Variants in FARS2 observed in about 807,000 individuals in gnomAD.
FARS2 encodes the protein phenylalanyl-tRNA synthetase 2, mitochondrial, also known as phenylalanine--tRNA ligase, mitochondrial.
A neutral mutation model predicts 46.4 loss-of-function variants in FARS2; 40 were observed. That is an observed-to-expected ratio of 0.86 (90% confidence interval 0.67 to 1.12). FARS2 has a LOEUF of 1.12. Ranked by LOEUF, FARS2 falls within the 50% of genes most tolerant of loss-of-function variation. The pLI, the probability that FARS2 is intolerant of heterozygous loss-of-function variation, is 0.00. For synonymous variants in FARS2, 234 were observed against 214.9 expected (o/e 1.09, Z -0.78); for missense variants, 513 against 567.9 (o/e 0.90, Z 0.98).
intron 5 of FARS2, among the ~76,000 whole-genome samples, chr6:5,601,370 A>C (rs1469316744): frequency 6.6e-6 from 1 of 151,722 alleles, no homozygotes; most frequent in African/African-American, 2.4e-5. Context: ...AAAAATACAA[A>C]AAAATTAGCC....
intron 1 of FARS2, among the ~76,000 whole-genome samples, chr6:5,315,109 C>T (rs1321103984): frequency 6.6e-6 from 1 of 152,054 alleles, no homozygotes; most frequent in African/African-American, 2.4e-5. Flanking sequence ...AGTAAGTTTT[C>T]TATGTTCTTT....
intron 1 of FARS2, among the ~76,000 whole-genome samples, chr6:5,314,368 A>C (rs999040989): frequency 6.6e-6 from 1 of 151,912 alleles, no homozygotes; most frequent in African/African-American, 2.4e-5. Flanking sequence ...GAGAGGGATG[A>C]GTTGAGCTTA....
At chr6:5,677,775 C>A (rs1269289162) in intron 6 of FARS2, among the ~76,000 whole-genome samples, 2 of 152,264 alleles carry the variant, frequency 1.3e-5, no homozygotes, top group East Asian at 3.9e-4. Flanking sequence ...CTCGCAGCTA[C>A]TTGAAGGGTT....
chr6:5,408,519 A>G (rs1197364706), intron 3 of FARS2, among the ~76,000 whole-genome samples: 1 of 152,150 alleles, frequency 6.6e-6, no homozygotes, highest in Non-Finnish European at 1.5e-5. Flanking sequence ...AAAACTTAAA[A>G]TGAAGCTCCT....
chr6:5,414,339 C>T (rs574254373), intron 3 of FARS2, among the ~76,000 whole-genome samples: 1 of 152,178 alleles, frequency 6.6e-6, no homozygotes, highest in Non-Finnish European at 1.5e-5. Flanking sequence ...TAAACCATCA[C>T]CACAATCAAG....
At chr6:5,571,032 C>T (rs545644701) in intron 5 of FARS2, among the ~76,000 whole-genome samples, 6 of 152,240 alleles carry the variant, frequency 3.9e-5, no homozygotes, top group South Asian at 2.1e-4. Flanking sequence ...TCAAATTTTT[C>T]GTGAAGACTT....
chr6:5,467,144 G>C lies in FARS2; in HGVS notation c.904+35972G>C, dbSNP rs78581047. The C allele has an allele frequency of 2.1e-3, 1,952 of 913,546 alleles. 26 individuals carry two copies. The African/African-American group carries it at 0.033, about 15-fold the overall frequency. The allele number at this position is 913,546 out of a possible 1,614,324, so 56.6% of individuals were successfully genotyped here. A position where few individuals can be genotyped will look rare whatever the true frequency, so the allele number is the denominator to read the frequency against. The stretch of plus-strand genomic sequence containing the variant: ...TTTAAGAATTAGTTTGTTTAAATTA[G>C]ATTAAATGTTTCTATCTGTGGTTTA... On this transcript the variant is annotated intron_variant, in intron 4 of 6. Coordinates refer to ENST00000274680, the MANE Select transcript of FARS2 (RefSeq NM_006567.5).
chr6:5,431,893 A>C (rs1480377974), intron 4 of FARS2: 1 of 237,224 alleles, frequency 4.2e-6, no homozygotes, highest in Non-Finnish European at 8.9e-6. Flanking sequence ...GTAATTTTTA[A>C]GTCACTATCT....
intron 5 of FARS2, among the ~76,000 whole-genome samples, chr6:5,565,622 A>T (rs1221256238): frequency 6.6e-6 from 1 of 152,244 alleles, no homozygotes; most frequent in Admixed American, 6.5e-5. Flanking sequence ...TTAGCATTTT[A>T]GAAATCCCAT....
At chr6:5,728,793 G>A (rs1244319622) in intron 6 of FARS2, among the ~76,000 whole-genome samples, 1 of 152,174 alleles carries the variant, frequency 6.6e-6, no homozygotes, top group Non-Finnish European at 1.5e-5. Flanking sequence ...CTCCCGATGT[G>A]AGCTGTGGAT....
chr6:5,292,907 C>T (rs893445363), intron 1 of FARS2, among the ~76,000 whole-genome samples: 4 of 152,004 alleles, frequency 2.6e-5, no homozygotes, highest in African/African-American at 9.7e-5. Flanking sequence ...TGAGTAGGAG[C>T]GTTCATGGAG....
chr6:5,426,152 G>T (rs57037759), intron 3 of FARS2, among the ~76,000 whole-genome samples: 2,118 of 152,106 alleles, frequency 0.014, 58 homozygotes, highest in African/African-American at 0.048. Context: ...CATCTGTGTG[G>T]TTTAGGAAAT....
intron 6 of FARS2, among the ~76,000 whole-genome samples, chr6:5,769,053 A>G (rs1422783768): frequency 6.6e-6 from 1 of 152,064 alleles, no homozygotes; most frequent in African/African-American, 2.4e-5. Flanking sequence ...GGTTTTGCCT[A>G]TGCGGTCATG....
chr6:5,561,618 T>G (rs1188915074), intron 5 of FARS2, among the ~76,000 whole-genome samples: 1 of 152,192 alleles, frequency 6.6e-6, no homozygotes, highest in African/African-American at 2.4e-5. Context: ...AATTTTAATA[T>G]GATGCATTTT....
chr6:5,648,165 T>A (rs558639353), intron 6 of FARS2, among the ~76,000 whole-genome samples: 1 of 152,354 alleles, frequency 6.6e-6, no homozygotes, highest in East Asian at 1.9e-4. Context: ...GAATTTCCCT[T>A]CAGTGAAGTC....
At position 5,514,089 on chromosome 6, in the gene FARS2, C is replaced by CATATATATATATAT. The variant is rs57189455; in HGVS notation, c.905-31084_905-31071dup. Among the ~76,000 whole-genome samples, 427 of 147,110 alleles carry CATATATATATATAT rather than the reference C, an allele frequency of 2.9e-3. 3 individuals are homozygous for CATATATATATATAT. Among genetic ancestry groups the CATATATATATATAT allele is most frequent in the African/African-American group, 9.8e-3 (388 of 39,732 alleles). ...TAGAAAATTAACATAAAAATCTGGA[C>CATATATATATATAT]ATATATATATATATATATATGATAA... On this transcript the variant is annotated intron_variant, in intron 4 of 6. Coordinates refer to ENST00000274680, the MANE Select transcript of FARS2 (RefSeq NM_006567.5).
chr6:5,365,875 A>T (rs528629891), intron 1 of FARS2, among the ~76,000 whole-genome samples: 2 of 152,346 alleles, frequency 1.3e-5, no homozygotes, highest in East Asian at 3.9e-4. Flanking sequence ...TCATGAGGAA[A>T]GAAAATGTAT....
At chr6:5,689,875 G>T (rs936389887) in intron 6 of FARS2, among the ~76,000 whole-genome samples, 25 of 152,230 alleles carry the variant, frequency 1.6e-4, no homozygotes, top group South Asian at 2.1e-4. Context: ...TTATGAATCT[G>T]GGTGCTCCTG....
At chr6:5,266,475 G>A (rs1765556880) in intron 1 of FARS2, among the ~76,000 whole-genome samples, 1 of 151,938 alleles carries the variant, frequency 6.6e-6, no homozygotes, top group Non-Finnish European at 1.5e-5. Flanking sequence ...AGGCCAGCCT[G>A]GGTAACATAG....
Sources: gnomAD v4.1 joint callset for allele counts (sites outside exome capture counted in the v4.1 genomes callset) on GRCh38, gnomAD v4.1.1 for gene constraint, MANE v1.5 for transcripts, NCBI Gene and HGNC (gene_info 2026-07-23, HGNC 2026-07-21) for gene names.